The following DYM variants were observed in gnomAD, a reference collection of about 807,000 sequenced individuals.
DYM encodes the protein dymeclin.
A neutral mutation model predicts 93.1 loss-of-function variants in DYM; 78 were observed. The ratio of observed to expected loss-of-function variants is 0.84; its 90% CI spans 0.70 to 1.01. DYM has a LOEUF of 1.01. DYM is among the 50% of genes least tolerant of loss of function. The probability of loss-of-function intolerance (pLI) is 0.00; values close to 1 mark genes in which losing one functional copy is unlikely to be tolerated. For synonymous variants in DYM, 321 were observed against 319.7 expected (o/e 1.00, Z -0.04); for missense variants, 789 against 845.0 (o/e 0.93, Z 0.82).
At chr18:49,432,255 C>G (rs1197515777) in intron 1 of DYM, among the ~76,000 whole-genome samples, 1 of 146,744 alleles carries the variant, frequency 6.8e-6, no homozygotes, top group Non-Finnish European at 1.5e-5. Flanking sequence ...CACTTGAACC[C>G]AGGAGGCAGA....
chr18:49,067,985 C>G (rs571690865), intron 17 of DYM, among the ~76,000 whole-genome samples: 1 of 152,172 alleles, frequency 6.6e-6, no homozygotes, highest in African/African-American at 2.4e-5. Context: ...GAGGATAGGT[C>G]AATGAAAGAG....
At chr18:49,374,104 A>T (rs1276172917) in intron 5 of DYM, among the ~76,000 whole-genome samples, 2 of 152,250 alleles carry the variant, frequency 1.3e-5, no homozygotes, top group African/African-American at 4.8e-5. Context: ...AAATCATGCT[A>T]AATGATAAAC....
intron 14 of DYM, among the ~76,000 whole-genome samples, chr18:49,178,576 A>C (rs1160933479): frequency 6.6e-6 from 1 of 152,222 alleles, no homozygotes; most frequent in Non-Finnish European, 1.5e-5. Flanking sequence ...ATGATGTATC[A>C]CTTAAAGATT....
At chr18:49,264,616 G>A (rs1168874858) in intron 11 of DYM, among the ~76,000 whole-genome samples, 2 of 152,114 alleles carry the variant, frequency 1.3e-5, no homozygotes, top group East Asian at 3.9e-4. Flanking sequence ...GATGATTACT[G>A]TTCCGGGTCT....
At chr18:49,195,712 T>C (rs1234916051) in intron 14 of DYM, among the ~76,000 whole-genome samples, 3 of 152,170 alleles carry the variant, frequency 2.0e-5, no homozygotes, top group Non-Finnish European at 1.5e-5. Flanking sequence ...GCCTTGATGG[T>C]CATGGTTATC....
chr18:49,137,964 G>A (rs1241117956), intron 15 of DYM, among the ~76,000 whole-genome samples: 1 of 152,144 alleles, frequency 6.6e-6, no homozygotes, highest in African/African-American at 2.4e-5. Context: ...GTTTTACACT[G>A]GGAGTTAGGT....
intron 6 of DYM, among the ~76,000 whole-genome samples, chr18:49,360,334 A>C (rs2001801): frequency 6.6e-6 from 1 of 150,618 alleles, no homozygotes; most frequent in Non-Finnish European, 1.5e-5. Context: ...AAAAAAAAAA[A>C]ATATTTAGGG....
At chr18:49,124,296 G>A (rs938809013) in intron 15 of DYM, among the ~76,000 whole-genome samples, 2 of 152,006 alleles carry the variant, frequency 1.3e-5, no homozygotes, top group African/African-American at 4.8e-5. Flanking sequence ...CTTGAGGCCA[G>A]GAGTCAAAAG....
chr18:49,365,765 A>G (rs1357741208), intron 5 of DYM, among the ~76,000 whole-genome samples: 1 of 152,166 alleles, frequency 6.6e-6, no homozygotes, highest in Non-Finnish European at 1.5e-5. Context: ...TGAGAGACCA[A>G]GCACTCAGGA....
At position 49,097,428 on chromosome 18, in the gene DYM, C is replaced by T. The variant is rs768403608; in HGVS notation, c.1999G>A (p.Val667Ile). 6.2e-6 allele frequency: 10 copies of T among 1,613,900 alleles called. No homozygotes were observed. The highest frequency in any genetic ancestry group is 3.3e-5 in the Admixed American group (2 of 59,986). ...RVLEIIKQGV[V>I]ALPKDRLKKF... Reference sequence around the variant, plus strand: ...TTCAGTCTGTCTTTGGGCAGCGCAACGACGCCTTGCTTAATGATTTCCAGG... The same window carrying T: ...TTCAGTCTGTCTTTGGGCAGCGCAATGACGCCTTGCTTAATGATTTCCAGG... Residue 667 changes from valine (V) to isoleucine (I), a missense_variant, in exon 17 of 18, where the codon GTT becomes ATT. Val to Ile is a conservative substitution (Grantham distance 29). This residue lies in a region of DYM where 114 missense variants were observed against 105.8 expected (regional missense o/e 1.08). Transcript: ENST00000675505.
chr18:49,428,982 T>A (rs1600183858), intron 2 of DYM, among the ~76,000 whole-genome samples: 2 of 152,234 alleles, frequency 1.3e-5, no homozygotes, highest in East Asian at 3.8e-4. Flanking sequence ...AGGTCAGAAG[T>A]CTGACACTCA....
chr18:49,118,983 T>G, intron 15 of DYM, 57 bp from the exon 16 acceptor site: 2 of 1,455,826 alleles, frequency 1.4e-6, no homozygotes, highest in Non-Finnish European at 1.9e-6. Flanking sequence ...TGCAACAGAA[T>G]TAATGAAAAT....
chr18:49,407,428 G>A (rs184023181), intron 2 of DYM, among the ~76,000 whole-genome samples: 140 of 152,344 alleles, frequency 9.2e-4, no homozygotes, highest in Non-Finnish European at 1.9e-3. Flanking sequence ...TCTTCAAGCT[G>A]TATAAGAAGC....
At chr18:49,068,684 C>G (rs1449495243) in intron 17 of DYM, among the ~76,000 whole-genome samples, 1 of 152,192 alleles carries the variant, frequency 6.6e-6, no homozygotes. Flanking sequence ...CTCTCATATG[C>G]TGAGGATGAG....
intron 17 of DYM, among the ~76,000 whole-genome samples, chr18:49,073,378 G>T (rs879758703): frequency 6.6e-6 from 1 of 152,102 alleles, no homozygotes; most frequent in Non-Finnish European, 1.5e-5. Flanking sequence ...TTTTGTCAAA[G>T]GTTAACTTGA....
chr18:49,447,231 A>C (rs2082168633), intron 1 of DYM: 1 of 152,252 alleles, frequency 6.6e-6, no homozygotes, highest in African/African-American at 2.4e-5. Context: ...TGGCTGGAAC[A>C]GAAAAGGAAT....
At chr18:49,214,594 A>AT (rs2092942025) in intron 13 of DYM, among the ~76,000 whole-genome samples, 1 of 152,178 alleles carries the variant, frequency 6.6e-6, no homozygotes, top group Non-Finnish European at 1.5e-5. Context: ...TGTTAAGCAA[A>AT]TAAATATGAT....
In DYM at chr18:49,208,234, C is replaced by T. The variant is rs141184832; in HGVS notation, c.1625+1317G>A. Among the ~76,000 whole-genome samples the T allele has an allele frequency of 1.9e-3, 291 of 150,700 alleles. 1 individual carries two copies. The highest frequency in any genetic ancestry group is 6.9e-3 in the African/African-American group (283 of 40,980). The stretch of plus-strand genomic sequence containing the variant: ...AAAGAAAAAGACGTCAATTATCCTG[C>T]ACATTTCAGAAGTTCAATGATCAGC... On this transcript the variant is annotated intron_variant, in intron 14 of 17. Coordinates refer to ENST00000675505, the MANE Select transcript of DYM (RefSeq NM_001353214.3).
chr18:49,052,103 C>T (rs1396751507), intron 17 of DYM, among the ~76,000 whole-genome samples: 1 of 152,248 alleles, frequency 6.6e-6, no homozygotes, highest in Non-Finnish European at 1.5e-5. Flanking sequence ...GGACTGGCTA[C>T]ACAGAGTAAA....
Sources: gnomAD v4.1 joint callset for allele counts (sites outside exome capture counted in the v4.1 genomes callset) on GRCh38, gnomAD v4.1.1 for gene constraint, gnomAD v4.1.1 regional missense constraint, MANE v1.5 for transcripts, NCBI Gene and HGNC (gene_info 2026-07-23, HGNC 2026-07-21) for gene names.